The following TEDC1 variants were observed in gnomAD, a reference collection of about 807,000 sequenced individuals.
TEDC1 encodes tubulin epsilon and delta complex protein 1.
A neutral mutation model predicts 59.9 loss-of-function variants in TEDC1; 54 were observed. That is an observed-to-expected ratio of 0.90 (90% CI 0.72 to 1.13). The LOEUF (loss-of-function observed/expected upper bound fraction) is 1.13, where lower values mean the gene tolerates loss of function less well. TEDC1 is among the 50% of genes most tolerant of loss of function. The probability of loss-of-function intolerance (pLI) is 0.00; values close to 1 mark genes in which losing one functional copy is unlikely to be tolerated. For synonymous variants in TEDC1, 353 were observed against 298.1 expected, an observed-to-expected ratio of 1.18 and a Z score of -1.90; for missense variants, 734 against 683.4, an observed-to-expected ratio of 1.07 and a Z score of -0.83.
chr14:105,496,194 C>T, intron 6 of TEDC1, 108 bp downstream of exon 6: 1 of 1,077,624 alleles, frequency 9.3e-7, no homozygotes, highest in Non-Finnish European at 1.3e-6. Flanking sequence ...TGCTCCCACC[C>T]CTGGCCCTTA....
At position 105,498,783 on chromosome 14, in the gene TEDC1, G is replaced by A; in HGVS notation, c.1325G>A (p.Gly442Glu). ...GTGAGACGAGAGGATGGGGCAGCAGGGGACCGGGACCTGCGGGCAGCTGTG... is the reference window on the plus strand; with the variant it reads ...GTGAGACGAGAGGATGGGGCAGCAGAGGACCGGGACCTGCGGGCAGCTGTG... ...RLVRREDGAA[G>E]DRDLRAAVVI... The change falls in exon 9 of 9, where the codon GGG (glycine) becomes GAG (glutamate). Residue 442 changes from glycine to glutamate, a missense_variant. Physicochemically the swap from Gly to Glu is moderately conservative, Grantham distance 98 (BLOSUM62 -2). Coordinates refer to ENST00000392523, the MANE Select transcript of TEDC1 (RefSeq NM_001367178.1). 2 of 1,577,294 alleles carry A rather than the reference G, an allele frequency of 1.3e-6. No homozygotes were observed. Among genetic ancestry groups the A allele is most frequent in the Non-Finnish European group, 1.7e-6 (2 of 1,162,660 alleles).
In TEDC1 at chr14:105,497,792, C is replaced by G. The variant is rs1224504748; in HGVS notation, c.979-6C>G. On this transcript the variant is annotated splice_polypyrimidine_tract_variant and splice_region_variant and intron_variant, in intron 7 of 8. Transcript: ENST00000392523. ...GGTGCACGCTGTCTCACTTGGGTCTCTGTAGGACACGGTCCTGGGCACCTG... is the reference window on the plus strand; with the variant it reads ...GGTGCACGCTGTCTCACTTGGGTCTGTGTAGGACACGGTCCTGGGCACCTG... The G allele has an allele frequency of 1.3e-6, 2 of 1,546,140 alleles. No homozygotes were observed. The highest frequency in any genetic ancestry group is 1.7e-6 in the Non-Finnish European group (2 of 1,143,568).
chr14:105,490,835 G>A (rs1555439065), upstream of TEDC1: 2 of 644,428 alleles, frequency 3.1e-6, no homozygotes, highest in East Asian at 2.8e-5. Flanking sequence ...GGCGCCTTCC[G>A]GAGTCTGCGC....
intron 5 of TEDC1, 53 bp downstream of exon 5, chr14:105,493,986 C>T (rs1377954639): frequency 3.4e-6 from 1 of 291,132 alleles, no homozygotes; most frequent in East Asian, 7.2e-5. Context: ...GGGGGCACAG[C>T]AGGGGGACTG....
chr14:105,493,835 A>G lies in TEDC1; in HGVS notation c.586A>G (p.Ile196Val). The G allele has an allele frequency of 6.2e-7, 1 of 1,606,108 alleles. No individual in the cohort carries two copies. The highest frequency in any genetic ancestry group is 8.5e-7 in the Non-Finnish European group (1 of 1,178,810). The change falls in exon 5 of 9, where the codon ATC becomes GTC. Residue 196 changes from isoleucine (I) to valine (V), a missense_variant and splice_region_variant. Transcript: ENST00000392523. ...QQEQCALLSK[I>V]HLYTRGCHSD... Reference sequence around the variant, plus strand: ...CTGGGGTCTGCACTACCTGTTTTAGATCCACCTGTACACACGCGGCTGCCA... The same window carrying G: ...CTGGGGTCTGCACTACCTGTTTTAGGTCCACCTGTACACACGCGGCTGCCA...
chr14:105,490,809 G>A (rs183664609), upstream of TEDC1: 19 of 601,092 alleles, frequency 3.2e-5, no homozygotes, highest in East Asian at 5.1e-4. Context: ...CTCCGACTGC[G>A]TAAGCGGCCC....
chr14:105,493,725 T>C, intron 4 of TEDC1, 110 bp from the exon 5 acceptor site: 2 of 743,212 alleles, frequency 2.7e-6, no homozygotes, highest in East Asian at 5.5e-5. Flanking sequence ...CCCTCTTTCC[T>C]CATCTGGGAG....
At chr14:105,496,114 G>A (rs1555440399) in intron 6 of TEDC1, 28 bp downstream of exon 6, 1 of 1,191,962 alleles carries the variant, frequency 8.4e-7, no homozygotes, top group Admixed American at 2.3e-5. Context: ...GCAGGGAAGT[G>A]GAGACCGCAG....
chr14:105,493,979 GGCACAGCAGGGGGACTGCCCA>G, intron 5 of TEDC1, 46 bp downstream of exon 5: 1 of 398,436 alleles, frequency 2.5e-6, no homozygotes, highest in Non-Finnish European at 4.9e-6. Context: ...TGGGCTGGGG[GGCACAGCAGGGGGACTGCCCA>G]GGGTGGGAGG....
Position 105,498,730 on chromosome 14 carries a change from G to A in TEDC1, c.1272G>A (p.Pro424=), listed in dbSNP as rs781907842. 3.5e-5 allele frequency: 54 copies of A among 1,555,942 alleles called. No individual in the cohort carries two copies. The highest frequency in any genetic ancestry group is 1.7e-4 in the Middle Eastern group (1 of 5,790). Residue 424 remains proline (P), a synonymous_variant, in exon 9 of 9, where the codon CCG becomes CCA. Coordinates refer to ENST00000392523, the MANE Select transcript of TEDC1 (RefSeq NM_001367178.1). The stretch of plus-strand genomic sequence containing the variant: ...AGTGCTGGGAGCGAGACGGTGGCCC[G>A]GCCCAGCCCCATGGGCCACACCGGC... ...LQQCWERDGG[P]AQPHGPHRLV... is the part of the protein sequence containing the mutation.
chr14:105,492,390 CCT>C, intron 3 of TEDC1, 81 bp downstream of exon 3: 1 of 1,556,620 alleles, frequency 6.4e-7, no homozygotes, highest in Non-Finnish European at 8.7e-7. Flanking sequence ...GGGTCAGCCC[CCT>C]CTGTCTGCTT....
At chr14:105,496,836 C>T (rs74999078) in intron 6 of TEDC1, 2 of 170,342 alleles carry the variant, frequency 1.2e-5, no homozygotes, top group African/African-American at 2.4e-5. Context: ...GGTCACTAGG[C>T]AGACTCCTCA....
At chr14:105,494,990 C>A (rs1308343540) in intron 5 of TEDC1, 1 of 152,322 alleles carries the variant, frequency 6.6e-6, no homozygotes, top group African/African-American at 2.4e-5. Context: ...CCTATCTCAA[C>A]CTCCTGAGTA....
chr14:105,494,134 C>T (rs2084287826), intron 5 of TEDC1: 2 of 595,374 alleles, frequency 3.4e-6, no homozygotes, highest in South Asian at 3.9e-5. Context: ...ATGGGCCACT[C>T]ACCCTTCCCT....
At chr14:105,497,512 A>G in intron 7 of TEDC1, 69 bp downstream of exon 7, 1 of 1,502,404 alleles carries the variant, frequency 6.7e-7, no homozygotes, top group Non-Finnish European at 8.9e-7. Context: ...GGCATTCGGG[A>G]TCTTCCTGTT....
At chr14:105,493,992 GACTGCCCAGGGTGGGAGGGGCCTGGGGGC>G in intron 5 of TEDC1, 59 bp downstream of exon 5, 3 of 319,574 alleles carry the variant, frequency 9.4e-6, no homozygotes, top group East Asian at 7.5e-5. Flanking sequence ...ACAGCAGGGG[GACTGCCCAGGGTGGGAGGGGCCTGGGGGC>G]GGGGCAGCTC....
Position 105,492,299 on chromosome 14 carries a change from C to T in TEDC1, c.419C>T (p.Thr140Ile). ...QARVPLGDEMTVCQCEALASP... is the reference protein window; with the variant it reads ...QARVPLGDEMIVCQCEALASP... ...CGAGTGCCTCTGGGTGACGAGATGA[C>T]TGTGTGCCAGGTGCGTGTGGGTGAG... Residue 140 changes from threonine (T) to isoleucine (I), a missense_variant, in exon 3 of 9, where the codon ACT becomes ATT. Physicochemically the swap from Thr to Ile is moderately conservative, Grantham distance 89 (BLOSUM62 -1). Coordinates refer to ENST00000392523, the MANE Select transcript of TEDC1 (RefSeq NM_001367178.1). 6.2e-7 allele frequency: 1 copy of T among 1,604,358 alleles called. No individual in the cohort carries two copies. The highest frequency in any genetic ancestry group is 8.5e-7 in the Non-Finnish European group (1 of 1,179,900).
In TEDC1 at chr14:105,498,710, T is replaced by G. The variant is rs948083230; in HGVS notation, c.1252T>G (p.Trp418Gly). ...EKELGALQQCWERDGGPAQPH... is the reference protein window; with the variant it reads ...EKELGALQQCGERDGGPAQPH... The stretch of plus-strand genomic sequence containing the variant: ...GGAGCTGGGAGCTCTACAGCAGTGC[T>G]GGGAGCGAGACGGTGGCCCGGCCCA... The change falls in exon 9 of 9, where the codon TGG becomes GGG. Residue 418 changes from tryptophan to glycine, a missense_variant. Transcript: ENST00000392523. The G allele has an allele frequency of 1.3e-6, 2 of 1,553,986 alleles. No individual in the cohort carries two copies. The highest frequency in any genetic ancestry group is 8.7e-7 in the Non-Finnish European group (1 of 1,149,250).
upstream of TEDC1, chr14:105,490,544 T>C (rs1323587336): frequency 2.0e-5 from 3 of 152,070 alleles, no homozygotes; most frequent in Non-Finnish European, 2.9e-5. Context: ...GCTGCTTCCA[T>C]GCGCCGGCTT....
Sources: gnomAD v4.1 joint callset for allele counts on GRCh38, gnomAD v4.1.1 for gene constraint, MANE v1.5 for transcripts, NCBI Gene and HGNC (gene_info 2026-07-23, HGNC 2026-07-21) for gene names.